The following SOX13 variants were observed in gnomAD, a reference collection of about 807,000 sequenced individuals.
SOX13 encodes the protein transcription factor SOX-13.
SOX13 carries 28 observed loss-of-function variants against 71.8 expected under a neutral mutation model. The observed-to-expected ratio is 0.39, with a 90% confidence interval of 0.29 to 0.53. SOX13 has a LOEUF of 0.53. SOX13 is among the 20% of genes least tolerant of loss of function. The probability of loss-of-function intolerance (pLI) is 0.70; values close to 1 mark genes in which losing one functional copy is unlikely to be tolerated. For synonymous variants in SOX13, 309 were observed against 317.8 expected (o/e 0.97, Z 0.29); for missense variants, 627 against 810.3 (o/e 0.77, Z 2.75).
At chr1:204,106,649 A>G (rs1034241683) in intron 1 of SOX13, among the ~76,000 whole-genome samples, 1 of 151,600 alleles carries the variant, frequency 6.6e-6, no homozygotes, top group Non-Finnish European at 1.5e-5. Flanking sequence ...CCTCCCAAGT[A>G]GCTGGGATTA....
chr1:204,111,652 T>C (rs911742035), intron 1 of SOX13, among the ~76,000 whole-genome samples: 9 of 152,204 alleles, frequency 5.9e-5, no homozygotes, highest in African/African-American at 2.2e-4. Context: ...TCTAGCTAGA[T>C]ACCGGAAAAT....
intron 1 of SOX13, among the ~76,000 whole-genome samples, chr1:204,104,577 C>G (rs1388351648): frequency 6.6e-6 from 1 of 152,220 alleles, no homozygotes; most frequent in Non-Finnish European, 1.5e-5. Context: ...GTGGCATTCC[C>G]CTGGGACTCA....
At position 204,123,137 on chromosome 1, in the gene SOX13, C is replaced by G. The variant is rs759652540; in HGVS notation, c.1160C>G (p.Pro387Arg). The change falls in exon 11 of 14, where the codon CCA (proline) becomes CGA (arginine). Residue 387 changes from proline (P) to arginine (R), a missense_variant. Pro to Arg is a moderately radical substitution (Grantham distance 103, BLOSUM62 -2). Around this residue, in one of 3 missense-constraint regions of SOX13, gnomAD observed 447 missense variants for 532.2 expected, o/e 0.84. Transcript: ENST00000367204. The surrounding 1 kb of genome is among the most constrained non-coding windows in gnomAD (Gnocchi z 5.0). ...GACCTCATCAGCCTGGACTCATCCCCAGCCAAGGAGCGGCTGGAGGACGGC... is the reference window on the plus strand; with the variant it reads ...GACCTCATCAGCCTGGACTCATCCCGAGCCAAGGAGCGGCTGGAGGACGGC... ...RKDLISLDSS[P>R]AKERLEDGCV... The G allele has an allele frequency of 1.9e-6, 3 of 1,613,842 alleles. No individual in the cohort carries two copies. The highest frequency in any genetic ancestry group is 2.5e-6 in the Non-Finnish European group (3 of 1,179,806).
rs1387110792 is a variant in SOX13, at chr1:204,116,593, G to A, written c.505G>A (p.Ala169Thr). ...LSTLRDQLLT[A>T]HSEQKNMAAM... is the part of the protein sequence containing the mutation. ...CACCCTGCGGGACCAGCTCCTGACA[G>A]CCCACTCGGAGCAGAAGAACATGGC... The change falls in exon 5 of 14, where the codon GCC becomes ACC. Residue 169 changes from alanine to threonine, a missense_variant. By Grantham distance (58) the Ala-to-Thr change is moderately conservative. Transcript: ENST00000367204. The A allele has an allele frequency of 6.2e-7, 1 of 1,614,064 alleles. No homozygotes were observed. Among genetic ancestry groups the A allele is most frequent in the Non-Finnish European group, 8.5e-7 (1 of 1,179,902 alleles).
chr1:204,110,240 G>C (rs1441860100), intron 1 of SOX13, among the ~76,000 whole-genome samples: 1 of 151,622 alleles, frequency 6.6e-6, no homozygotes. Flanking sequence ...GAATCCTCCA[G>C]CCTCAGCCTC....
chr1:204,099,067 G>A (rs1490113167), intron 1 of SOX13, among the ~76,000 whole-genome samples: 4 of 152,210 alleles, frequency 2.6e-5, no homozygotes, highest in Non-Finnish European at 5.9e-5. Context: ...CCCAGCAGAG[G>A]TGGGACAGTG....
intron 1 of SOX13, among the ~76,000 whole-genome samples, chr1:204,112,616 A>G (rs983754079): frequency 2.0e-5 from 3 of 152,042 alleles, no homozygotes; most frequent in African/African-American, 7.2e-5. Context: ...CCGTCAGTCC[A>G]CTAGTCCCGT....
intron 13 of SOX13, among the ~76,000 whole-genome samples, chr1:204,125,243 A>G (rs1244366312): frequency 6.6e-6 from 1 of 152,222 alleles, no homozygotes; most frequent in Non-Finnish European, 1.5e-5. Flanking sequence ...CTATTCCTTT[A>G]AACAGGACAT....
intron 1 of SOX13, among the ~76,000 whole-genome samples, chr1:204,100,702 CG>C (rs1656344236): frequency 6.6e-6 from 1 of 151,452 alleles, no homozygotes; most frequent in Non-Finnish European, 1.5e-5. Flanking sequence ...AGAAAAAGAA[CG>C]GAACGCGTTG....
intron 1 of SOX13, among the ~76,000 whole-genome samples, chr1:204,076,357 T>C (rs1460486054): frequency 6.6e-6 from 1 of 152,038 alleles, no homozygotes; most frequent in Non-Finnish European, 1.5e-5. Flanking sequence ...TCAGGTGGAA[T>C]GGGCTGGGAC....
rs1138617 is a variant in SOX13 at position 204,127,502 on chromosome 1, T to C, written c.*1368T>C. The C allele has an allele frequency of 0.85, 129,365 of 152,616 alleles. 55,953 individuals are homozygous for C. Among genetic ancestry groups the C allele is most frequent in the East Asian group, 1 (5,182 of 5,184 alleles). The allele number at this position is 152,616 out of a possible 1,614,324, so 9.5% of individuals were successfully genotyped here. ...GATCTAAATAGCCCTTGGATCAGTA[T>C]GGGAACCCCAAATCCCACAGGGCCA... On this transcript the variant is annotated 3_prime_UTR_variant, in exon 14 of 14. Transcript: ENST00000367204.
chr1:204,110,621 C>T (rs545577585), intron 1 of SOX13, among the ~76,000 whole-genome samples: 13 of 152,022 alleles, frequency 8.6e-5, no homozygotes, highest in Non-Finnish European at 1.8e-4. Flanking sequence ...GGATGTGGAA[C>T]CTACAAATAC....
intron 1 of SOX13, among the ~76,000 whole-genome samples, chr1:204,089,409 G>A (rs1656095542): frequency 6.6e-6 from 1 of 152,182 alleles, no homozygotes; most frequent in Admixed American, 6.5e-5. Flanking sequence ...ATGCCCGCCG[G>A]CCTCAGGGTC....
intron 1 of SOX13, among the ~76,000 whole-genome samples, chr1:204,108,051 G>A (rs1656506029): frequency 6.6e-6 from 1 of 152,172 alleles, no homozygotes; most frequent in Non-Finnish European, 1.5e-5. Flanking sequence ...TGGAGGCTAA[G>A]TGTGTGTAGA....
chr1:204,081,314 G>A lies in SOX13; in HGVS notation c.-2+7603G>A, dbSNP rs1655902611. Among the ~76,000 whole-genome samples, 1 of 152,190 alleles carries A rather than the reference G, an allele frequency of 6.6e-6. No individual in the cohort carries two copies. The highest frequency in any genetic ancestry group is 1.5e-5 in the Non-Finnish European group (1 of 68,036). ...CAATGTGTATCACTTTCGTCATCAG[G>A]ATGAAAAGGATTTAAAATAAATCTA... On this transcript the variant is annotated intron_variant, in intron 1 of 13. Coordinates refer to ENST00000367204, the MANE Select transcript of SOX13 (RefSeq NM_005686.3). This position sits in a 1 kb window ranked among gnomAD's most constrained non-coding sequence, Gnocchi z 4.3.
chr1:204,102,584 G>T (rs1175590513), intron 1 of SOX13, among the ~76,000 whole-genome samples: 1 of 151,728 alleles, frequency 6.6e-6, no homozygotes, highest in Non-Finnish European at 1.5e-5. Context: ...TCAGAAAACT[G>T]ATAACCTAGG....
At chr1:204,122,588 A>C in intron 9 of SOX13, 189 bp downstream of exon 9, 1 of 610,010 alleles carries the variant, frequency 1.6e-6, no homozygotes, top group Non-Finnish European at 2.9e-6. Context: ...CATTCCAAGC[A>C]TCAGGGATTC....
intron 7 of SOX13, chr1:204,118,919 G>A (rs1393332814): frequency 6.6e-6 from 1 of 152,280 alleles, no homozygotes; most frequent in Non-Finnish European, 1.5e-5. Flanking sequence ...GCCAGAAGCA[G>A]GACCTGCTAG....
At chr1:204,121,280 C>A (rs542621641) in intron 7 of SOX13, among the ~76,000 whole-genome samples, 1 of 152,294 alleles carries the variant, frequency 6.6e-6, no homozygotes, top group Non-Finnish European at 1.5e-5. Flanking sequence ...AGCCACCACG[C>A]CTGGCTTCAA....
Sources: gnomAD v4.1 joint callset for allele counts (sites outside exome capture counted in the v4.1 genomes callset) on GRCh38, gnomAD v4.1.1 for gene constraint, gnomAD v4.1.1 regional missense constraint, Gnocchi (gnomAD v3.1) non-coding constraint, MANE v1.5 for transcripts, NCBI Gene and HGNC (gene_info 2026-07-23, HGNC 2026-07-21) for gene names.